ERC1: variants seen among roughly 807,000 people sequenced by gnomAD.
ERC1 encodes the protein RAB6 interacting protein 2.
A neutral mutation model predicts 132.0 loss-of-function variants in ERC1; 56 were observed. The observed-to-expected ratio is 0.42, with a 90% confidence interval of 0.34 to 0.53. The LOEUF (loss-of-function observed/expected upper bound fraction) is 0.53, where lower values mean the gene tolerates loss of function less well. ERC1 is among the 20% of genes least tolerant of loss of function. The pLI, the probability that ERC1 is intolerant of heterozygous loss-of-function variation, is 0.03. For missense variants in ERC1, 1,202 were observed against 1,349.9 expected (o/e 0.89, Z 1.72); for synonymous variants, 478 against 476.1 (o/e 1.00, Z -0.05).
chr12:1,407,940 T>G (rs2091610249), intron 16 of ERC1, among the ~76,000 whole-genome samples: 1 of 152,162 alleles, frequency 6.6e-6, no homozygotes, highest in Non-Finnish European at 1.5e-5. Context: ...GGTTTAGGGG[T>G]TCTACATATG....
intron 8 of ERC1, among the ~76,000 whole-genome samples, chr12:1,154,066 C>T (rs1951083303): frequency 6.6e-6 from 1 of 151,976 alleles, no homozygotes; most frequent in African/African-American, 2.4e-5. Flanking sequence ...CTGCCTCCCT[C>T]TTATGAGTGA....
rs184859683 is a variant in ERC1, at chr12:1,431,411, G to T, written c.3025-13151G>T. On this transcript the variant is annotated intron_variant, in intron 17 of 18. Transcript: ENST00000360905. Reference sequence around the variant, plus strand: ...CAGATATTTAATTCAGGTTGTATCAGTATCAAGGAATTTTTAACTGAGCGT... The same window carrying T: ...CAGATATTTAATTCAGGTTGTATCATTATCAAGGAATTTTTAACTGAGCGT... Among the ~76,000 whole-genome samples, 477 of 152,284 alleles carry T rather than the reference G, an allele frequency of 3.1e-3. 3 individuals are homozygous for T. Among genetic ancestry groups the T allele is most frequent in the African/African-American group, 0.011 (450 of 41,550 alleles).
intron 2 of ERC1, among the ~76,000 whole-genome samples, chr12:1,068,398 G>A (rs1345645500): frequency 6.6e-6 from 1 of 151,980 alleles, no homozygotes; most frequent in African/African-American, 2.4e-5. Context: ...GGAACCTGAA[G>A]GCTTAAAAGA....
chr12:1,405,936 A>G (rs977984466), intron 16 of ERC1, among the ~76,000 whole-genome samples: 1 of 152,164 alleles, frequency 6.6e-6, no homozygotes, highest in Non-Finnish European at 1.5e-5. Flanking sequence ...AAATAAATAT[A>G]TATACATATG....
intron 12 of ERC1, among the ~76,000 whole-genome samples, chr12:1,211,004 G>A (rs1436523201): frequency 4.6e-5 from 7 of 151,394 alleles, no homozygotes; most frequent in Non-Finnish European, 7.4e-5. Context: ...AAAAAATGTA[G>A]CTAGCTGTTT....
At chr12:1,423,864 A>G (rs944069820) in intron 17 of ERC1, among the ~76,000 whole-genome samples, 3 of 152,228 alleles carry the variant, frequency 2.0e-5, no homozygotes, top group Non-Finnish European at 2.9e-5. Context: ...TTGTCTTGAA[A>G]TCTACTTTAT....
chr12:1,169,517 G>A (rs1952827097), intron 8 of ERC1, among the ~76,000 whole-genome samples: 1 of 152,024 alleles, frequency 6.6e-6, no homozygotes. Context: ...CCTATCTACT[G>A]ACTCCGATCC....
At chr12:1,040,324 CTTTTTTT>C (rs956609769) in intron 2 of ERC1, among the ~76,000 whole-genome samples, 4 of 138,090 alleles carry the variant, frequency 2.9e-5, no homozygotes, top group East Asian at 2.1e-4. Flanking sequence ...TTTCTTTTTT[CTTTTTTT>C]TTTTTTTTGA....
intron 15 of ERC1, among the ~76,000 whole-genome samples, chr12:1,305,298 T>C (rs1375193817): frequency 1.3e-5 from 2 of 152,214 alleles, no homozygotes; most frequent in Non-Finnish European, 2.9e-5. Flanking sequence ...TAATGAGTAA[T>C]TCTTTTCCTA....
intron 15 of ERC1, among the ~76,000 whole-genome samples, chr12:1,320,488 C>T (rs1391353182): frequency 6.6e-6 from 1 of 152,070 alleles, no homozygotes; most frequent in Admixed American, 6.5e-5. Flanking sequence ...TTAATTAGTC[C>T]TCCATTAATG....
At chr12:1,171,714 A>G (rs1295690049) in intron 8 of ERC1, among the ~76,000 whole-genome samples, 1 of 152,178 alleles carries the variant, frequency 6.6e-6, no homozygotes, top group Admixed American at 6.5e-5. Context: ...AAAGTGAGCC[A>G]GGGGACTGCA....
At position 1,176,335 on chromosome 12, in the gene ERC1, A is replaced by G. The variant is rs147241581; in HGVS notation, c.1738-4205A>G. The stretch of plus-strand genomic sequence containing the variant: ...AAAGGAATCTTTTTTTCTGAGCAGT[A>G]GGTCTCCACAGTGGGTTTAATACAC... On this transcript the variant is annotated intron_variant, in intron 8 of 18. Coordinates refer to ENST00000360905, the MANE Select transcript of ERC1 (RefSeq NM_178040.4). Among the ~76,000 whole-genome samples, 879 of 152,300 alleles carry G rather than the reference A, an allele frequency of 5.8e-3. 14 individuals carry two copies. Among genetic ancestry groups the G allele is most frequent in the African/African-American group, 0.02 (839 of 41,554 alleles).
intron 9 of ERC1, 132 bp downstream of exon 9, chr12:1,180,809 T>C: frequency 9.2e-7 from 1 of 1,085,314 alleles, no homozygotes; most frequent in South Asian, 1.6e-5. Flanking sequence ...CTGACATACG[T>C]AGTGTGAAGG....
chr12:1,126,986 C>CAAAAAAAAAAAAAAAAAAAA (rs71055135), intron 7 of ERC1, among the ~76,000 whole-genome samples: 18 of 114,186 alleles, frequency 1.6e-4, no homozygotes, highest in South Asian at 2.4e-4. Flanking sequence ...GATTCTGTCT[C>CAAAAAAAAAAAAAAAAAAAA]AAAAAAAAAA....
chr12:1,333,135 T>C (rs1595055991), intron 15 of ERC1, among the ~76,000 whole-genome samples: 1 of 151,782 alleles, frequency 6.6e-6, no homozygotes, highest in Non-Finnish European at 1.5e-5. Context: ...CCAGTGGCTG[T>C]TGTTCCCCTC....
At chr12:1,274,423 G>A (rs181802231) in intron 14 of ERC1, among the ~76,000 whole-genome samples, 1 of 152,034 alleles carries the variant, frequency 6.6e-6, no homozygotes, top group African/African-American at 2.4e-5. Context: ...TGTAACAGGG[G>A]ACCTTATTTA....
chr12:1,043,924 A>G (rs182554840), intron 2 of ERC1, among the ~76,000 whole-genome samples: 8 of 152,188 alleles, frequency 5.3e-5, no homozygotes, highest in African/African-American at 1.2e-4. Context: ...GTTAACATAC[A>G]TACTATTTTA....
intron 1 of ERC1, among the ~76,000 whole-genome samples, chr12:1,014,441 G>A (rs1304324559): frequency 6.6e-6 from 1 of 152,060 alleles, no homozygotes; most frequent in Non-Finnish European, 1.5e-5. Context: ...CTCTCAAAGT[G>A]TTGGGATTAC....
At chr12:1,285,281 G>A (rs2078968105) in intron 14 of ERC1, among the ~76,000 whole-genome samples, 1 of 152,072 alleles carries the variant, frequency 6.6e-6, no homozygotes, top group Non-Finnish European at 1.5e-5. Context: ...ATTGAACATT[G>A]GGTTTTATAT....
Sources: gnomAD v4.1 joint callset for allele counts (sites outside exome capture counted in the v4.1 genomes callset) on GRCh38, gnomAD v4.1.1 for gene constraint, MANE v1.5 for transcripts, NCBI Gene and HGNC (gene_info 2026-07-23, HGNC 2026-07-21) for gene names.